Variants in SEM1 observed in about 807,000 individuals in gnomAD.
SEM1 encodes SEM1 26S proteasome subunit.
Under a neutral mutation model 12.7 loss-of-function variants are expected in SEM1, and 3 were observed. The ratio of observed to expected loss-of-function variants is 0.24; its 90% CI spans 0.11 to 0.61. SEM1 has a LOEUF of 0.61. Among genes scored for constraint, SEM1 ranks in the 20% least tolerant of loss-of-function variants. SEM1 has a pLI of 0.88. For synonymous variants in SEM1, 30 were observed against 27.8 expected (o/e 1.08, Z -0.25); for missense variants, 59 against 81.3 (o/e 0.73, Z 1.06).
intron 2 of SEM1, among the ~76,000 whole-genome samples, chr7:96,598,416 AAT>A (rs1807073945): frequency 6.6e-6 from 1 of 151,700 alleles, no homozygotes; most frequent in Non-Finnish European, 1.5e-5. Flanking sequence ...TTTTCCCCCA[AAT>A]AGAGGAACAG....
intron 2 of SEM1, among the ~76,000 whole-genome samples, chr7:96,531,385 A>G (rs925196272): frequency 2.0e-5 from 3 of 151,450 alleles, no homozygotes; most frequent in African/African-American, 7.3e-5. Context: ...CCTGGGCAAC[A>G]TGGTGAGATC....
chr7:96,493,233 C>T (rs1056523146), intron 1 of SEM1, among the ~76,000 whole-genome samples: 3 of 152,156 alleles, frequency 2.0e-5, no homozygotes, highest in South Asian at 2.1e-4. Context: ...GGATTATAGG[C>T]GTGAGCCACC....
chr7:96,709,608 G>C, intron 1 of SEM1, 80 bp downstream of exon 1: 4 of 1,379,796 alleles, frequency 2.9e-6, no homozygotes, highest in Non-Finnish European at 4.1e-6. Flanking sequence ...CCCCCAGCTG[G>C]GCCCGAGCAC....
intron 2 of SEM1, among the ~76,000 whole-genome samples, chr7:96,594,479 T>C (rs1486933931): frequency 6.6e-6 from 1 of 152,176 alleles, no homozygotes; most frequent in Non-Finnish European, 1.5e-5. Context: ...GGCAATAGAC[T>C]GTATGGAGCA....
chr7:96,643,764 AT>A (rs1808696334), intron 2 of SEM1, among the ~76,000 whole-genome samples: 1 of 152,094 alleles, frequency 6.6e-6, no homozygotes, highest in African/African-American at 2.4e-5. Flanking sequence ...ATGAGAACAC[AT>A]GGACACAGGG....
chr7:96,499,114 C>T (rs1042971366), upstream of SEM1, among the ~76,000 whole-genome samples: 15 of 152,122 alleles, frequency 9.9e-5, no homozygotes, highest in African/African-American at 3.6e-4. Context: ...AGTACCTTAA[C>T]TTAAATAATG....
chr7:96,509,680 G>T (rs1041772974), intron 2 of SEM1, among the ~76,000 whole-genome samples: 2 of 152,108 alleles, frequency 1.3e-5, no homozygotes, highest in South Asian at 2.1e-4. Context: ...AACAAAATCT[G>T]ACATATACAT....
intron 2 of SEM1, among the ~76,000 whole-genome samples, chr7:96,659,112 G>C (rs1007250563): frequency 9.9e-5 from 15 of 152,004 alleles, no homozygotes; most frequent in Non-Finnish European, 2.1e-4. Flanking sequence ...CAAAATCAAG[G>C]CTCAGAATTT....
chr7:96,668,693 G>C (rs1433977011), downstream of SEM1, among the ~76,000 whole-genome samples: 1 of 152,070 alleles, frequency 6.6e-6, no homozygotes, highest in Non-Finnish European at 1.5e-5. Context: ...TCCTTCATAT[G>C]TCAGGGCTCC....
upstream of SEM1, among the ~76,000 whole-genome samples, chr7:96,499,053 T>G (rs1441641765): frequency 2.6e-5 from 4 of 152,200 alleles, no homozygotes; most frequent in Non-Finnish European, 4.4e-5. Flanking sequence ...CCAAAATGTC[T>G]TAATACTCTG....
intron 3 of SEM1, among the ~76,000 whole-genome samples, chr7:96,505,776 G>A (rs1181464145): frequency 6.6e-6 from 1 of 151,994 alleles, no homozygotes; most frequent in Non-Finnish European, 1.5e-5. Flanking sequence ...AACTCTTGAG[G>A]GTGGAGGCTT....
intron 2 of SEM1, among the ~76,000 whole-genome samples, chr7:96,525,154 C>T (rs1370309577): frequency 1.3e-5 from 2 of 152,092 alleles, no homozygotes; most frequent in East Asian, 1.9e-4. Flanking sequence ...ACTCTCATCC[C>T]CACTGCTCCT....
chr7:96,656,271 C>G (rs530194193), intron 2 of SEM1, among the ~76,000 whole-genome samples: 1 of 152,304 alleles, frequency 6.6e-6, no homozygotes, highest in Admixed American at 6.5e-5. Flanking sequence ...TCTCCAAATT[C>G]TTAGTTGGAG....
chr7:96,596,271 A>G (rs1198062559), intron 2 of SEM1, among the ~76,000 whole-genome samples: 1 of 152,224 alleles, frequency 6.6e-6, no homozygotes. Flanking sequence ...GGCCTGCCTT[A>G]CAACCCTTTT....
chr7:96,489,549 CAG>C (rs1802918746), intron 1 of SEM1, among the ~76,000 whole-genome samples: 1 of 152,290 alleles, frequency 6.6e-6, no homozygotes, highest in Non-Finnish European at 1.5e-5. Flanking sequence ...CCAATTAAAT[CAG>C]ACTGTTTGAA....
intron 2 of SEM1, among the ~76,000 whole-genome samples, chr7:96,604,861 G>A (rs1807297647): frequency 6.6e-6 from 1 of 150,860 alleles, no homozygotes. Flanking sequence ...AGAGGTTGCA[G>A]CGAGCCAAGA....
At chr7:96,643,042 A>G (rs898145112) in intron 2 of SEM1, among the ~76,000 whole-genome samples, 1 of 152,046 alleles carries the variant, frequency 6.6e-6, no homozygotes, top group African/African-American at 2.4e-5. Context: ...AGATTATTTC[A>G]TCACCCATGG....
chr7:96,529,102 T>C (rs1804563265), intron 2 of SEM1, among the ~76,000 whole-genome samples: 1 of 152,098 alleles, frequency 6.6e-6, no homozygotes, highest in African/African-American at 2.4e-5. Flanking sequence ...TCCCTTATGA[T>C]ACAAAATCAC....
intron 2 of SEM1, among the ~76,000 whole-genome samples, chr7:96,582,377 T>G (rs1202887594): frequency 6.6e-6 from 1 of 150,524 alleles, no homozygotes; most frequent in East Asian, 2.0e-4. Flanking sequence ...TGTTTGCCAG[T>G]ATTTTATTGA....
Sources: allele counts gnomAD v4.1 joint callset (sites outside exome capture counted in the v4.1 genomes callset), GRCh38; gene constraint gnomAD v4.1.1; transcripts MANE v1.5; gene names NCBI Gene and HGNC (gene_info 2026-07-23, HGNC 2026-07-21).